Variants in FGGY observed in about 807,000 individuals in gnomAD.
FGGY encodes the protein FGGY carbohydrate kinase domain-containing protein.
In FGGY, 72 loss-of-function variants were observed where a neutral mutation model predicts 71.3. The ratio of observed to expected loss-of-function variants is 1.01; its 90% CI spans 0.84 to 1.23. The LOEUF (loss-of-function observed/expected upper bound fraction) is 1.23, where lower values mean the gene tolerates loss of function less well. Among genes scored for constraint, FGGY ranks in the 50% most tolerant of loss-of-function variants. The probability of loss-of-function intolerance (pLI) is 0.00; values close to 1 mark genes in which losing one functional copy is unlikely to be tolerated. For missense variants in FGGY, 668 were observed against 682.3 expected (o/e 0.98, Z 0.23); for synonymous variants, 251 against 250.3 (o/e 1.00, Z -0.02).
chr1:59,391,965 T>G (rs1369801862), intron 5 of FGGY, among the ~76,000 whole-genome samples: 1 of 152,120 alleles, frequency 6.6e-6, no homozygotes, highest in Non-Finnish European at 1.5e-5. Flanking sequence ...GAGAGTTAGA[T>G]CTCGTGTTTC....
chr1:59,737,222 C>T (rs186288289), intron 14 of FGGY, among the ~76,000 whole-genome samples: 5 of 152,354 alleles, frequency 3.3e-5, no homozygotes, highest in Non-Finnish European at 7.3e-5. Flanking sequence ...ACAGGGTCCT[C>T]TTGGAGAACC....
At chr1:59,305,791 C>G (rs1224268167) in intron 1 of FGGY, among the ~76,000 whole-genome samples, 3 of 152,204 alleles carry the variant, frequency 2.0e-5, no homozygotes, top group African/African-American at 7.2e-5. Context: ...GCTTCTGCCT[C>G]AGATTGTTTT....
At chr1:59,609,577 G>C (rs2096655167) in intron 9 of FGGY, among the ~76,000 whole-genome samples, 1 of 152,118 alleles carries the variant, frequency 6.6e-6, no homozygotes, top group South Asian at 2.1e-4. Context: ...GTGAGACCTA[G>C]GCTCAGTTAC....
At chr1:59,457,293 A>C (rs2091798307) in intron 6 of FGGY, among the ~76,000 whole-genome samples, 1 of 152,188 alleles carries the variant, frequency 6.6e-6, no homozygotes, top group Non-Finnish European at 1.5e-5. Context: ...GATACATGCT[A>C]TGAAAATCTG....
chr1:59,707,380 CAG>C (rs1371170097), intron 14 of FGGY, among the ~76,000 whole-genome samples: 2 of 152,170 alleles, frequency 1.3e-5, no homozygotes, highest in Non-Finnish European at 2.9e-5. Flanking sequence ...GGGAATGACT[CAG>C]AGGCCAAGCT....
chr1:59,560,169 G>A (rs1260577883), intron 8 of FGGY, among the ~76,000 whole-genome samples: 3 of 152,184 alleles, frequency 2.0e-5, no homozygotes, highest in African/African-American at 7.2e-5. Context: ...CTTTGTCTCT[G>A]TTGTGTTCAT....
At chr1:59,736,607 A>T (rs746052647) in intron 14 of FGGY, among the ~76,000 whole-genome samples, 5 of 152,152 alleles carry the variant, frequency 3.3e-5, no homozygotes, top group Admixed American at 6.5e-5. Context: ...TATTTATGGA[A>T]CTTTGAACTT....
intron 5 of FGGY, among the ~76,000 whole-genome samples, chr1:59,432,900 A>G (rs1015882900): frequency 7.9e-5 from 12 of 152,176 alleles, no homozygotes; most frequent in Non-Finnish European, 1.6e-4. Flanking sequence ...TCTGACTGGG[A>G]GCTCTCTTAC....
chr1:59,731,014 T>C (rs1325133143), intron 14 of FGGY, among the ~76,000 whole-genome samples: 5 of 152,360 alleles, frequency 3.3e-5, no homozygotes, highest in African/African-American at 9.6e-5. Context: ...ATGTCACCAA[T>C]GCTGAGTGAT....
chr1:59,591,774 A>G (rs897747344), intron 8 of FGGY, among the ~76,000 whole-genome samples: 2 of 152,244 alleles, frequency 1.3e-5, no homozygotes, highest in African/African-American at 4.8e-5. Context: ...CTTACACCTT[A>G]TACAAAAGTT....
At chr1:59,743,654 GA>G (rs1175472387) in intron 14 of FGGY, among the ~76,000 whole-genome samples, 7 of 151,100 alleles carry the variant, frequency 4.6e-5, no homozygotes, top group African/African-American at 1.5e-4. Flanking sequence ...ATGGTAACCA[GA>G]AGGAAGCAGA....
intron 14 of FGGY, among the ~76,000 whole-genome samples, chr1:59,719,358 C>T (rs758001891): frequency 1.3e-5 from 2 of 152,116 alleles, no homozygotes; most frequent in African/African-American, 2.4e-5. Context: ...CCAGTTCTGC[C>T]ACTTGCTAGC....
intron 11 of FGGY, among the ~76,000 whole-genome samples, chr1:59,656,284 A>G (rs1235209463): frequency 3.3e-5 from 5 of 152,172 alleles, no homozygotes; most frequent in African/African-American, 4.8e-5. Context: ...TGTTGGAACC[A>G]TTCAGCCTCC....
intron 4 of FGGY, among the ~76,000 whole-genome samples, chr1:59,368,312 A>T (rs1472170301): frequency 6.6e-6 from 1 of 152,192 alleles, no homozygotes; most frequent in Admixed American, 6.5e-5. Context: ...TTTCTTCTGT[A>T]AAGAGTGGCA....
chr1:59,477,662 T>G (rs1423392347), intron 6 of FGGY, among the ~76,000 whole-genome samples: 1 of 152,170 alleles, frequency 6.6e-6, no homozygotes, highest in African/African-American at 2.4e-5. Flanking sequence ...GCTGTTGAAA[T>G]GTACAATCTA....
intron 5 of FGGY, among the ~76,000 whole-genome samples, chr1:59,386,745 T>C (rs1350442002): frequency 3.9e-5 from 6 of 152,184 alleles, no homozygotes; most frequent in African/African-American, 1.4e-4. Context: ...ACAAGGCTTC[T>C]TATGTACAAA....
chr1:59,338,523 G>T (rs915682567), intron 2 of FGGY, among the ~76,000 whole-genome samples: 1 of 151,892 alleles, frequency 6.6e-6, no homozygotes, highest in Non-Finnish European at 1.5e-5. Context: ...CAAAAAAAAA[G>T]TGCTTCTCAA....
At position 59,638,314 on chromosome 1, in the gene FGGY, A is replaced by G; in HGVS notation, c.1160A>G (p.His387Arg). Residue 387 changes from histidine (H) to arginine (R), a missense_variant, in exon 11 of 16, where the codon CAT (histidine) becomes CGT (arginine). His to Arg is a conservative substitution (Grantham distance 29). This residue lies in a region of FGGY where 661 missense variants were observed against 661.6 expected (regional missense o/e 1.00). Coordinates refer to ENST00000303721, the MANE Select transcript of FGGY (RefSeq NM_018291.5). ...GTGGGTTTCCTTACTGTTGATTTAC[A>G]TGTTTGGCCAGATTTCCATGGCAAC... ...QPVGFLTVDL[H>R]VWPDFHGNRS... 6.2e-7 allele frequency: 1 copy of G among 1,614,210 alleles called. No homozygotes were observed.
intron 6 of FGGY, among the ~76,000 whole-genome samples, chr1:59,477,582 A>G (rs1242981595): frequency 6.6e-6 from 1 of 152,200 alleles, no homozygotes; most frequent in African/African-American, 2.4e-5. Context: ...GAGAACAAAG[A>G]TGATCTCTTT....
Sources: allele counts gnomAD v4.1 joint callset (sites outside exome capture counted in the v4.1 genomes callset), GRCh38; gene constraint gnomAD v4.1.1; regional missense constraint gnomAD v4.1.1; transcripts MANE v1.5; gene names NCBI Gene and HGNC (gene_info 2026-07-23, HGNC 2026-07-21).